The following C1QTNF3 variants were observed in gnomAD, a reference collection of about 807,000 sequenced individuals.
C1QTNF3 encodes the protein complement C1q tumor necrosis factor-related protein 3.
C1QTNF3 carries 26 observed loss-of-function variants against 32.6 expected under a neutral mutation model. The ratio of observed to expected loss-of-function variants is 0.80; its 90% CI spans 0.58 to 1.11. C1QTNF3 has a LOEUF of 1.11. C1QTNF3 is among the 50% of genes least tolerant of loss of function. C1QTNF3 has a pLI of 0.00. For missense variants in C1QTNF3, 362 were observed against 398.2 expected (o/e 0.91, Z 0.77); for synonymous variants, 155 against 146.0 (o/e 1.06, Z -0.44).
the C1QTNF3 span, among the ~76,000 whole-genome samples, chr5:34,052,219 T>C: frequency 6.6e-6 from 1 of 152,228 alleles, no homozygotes; most frequent in Non-Finnish European, 1.5e-5. Context: ...TTACTACAGA[T>C]AGTCTATGGA....
At chr5:34,242,068 T>C in the C1QTNF3 span, among the ~76,000 whole-genome samples, 1 of 151,938 alleles carries the variant, frequency 6.6e-6, no homozygotes, top group Non-Finnish European at 1.5e-5. Flanking sequence ...AGAATCAATA[T>C]TGTTAAAATG....
At chr5:34,133,510 T>C in the C1QTNF3 span, among the ~76,000 whole-genome samples, 1 of 152,178 alleles carries the variant, frequency 6.6e-6, no homozygotes, top group Non-Finnish European at 1.5e-5. Context: ...CTGCGGGGAA[T>C]GTGGCTAAAA....
At chr5:34,160,236 C>T in the C1QTNF3 span, among the ~76,000 whole-genome samples, 3 of 152,044 alleles carry the variant, frequency 2.0e-5, no homozygotes, top group Non-Finnish European at 2.9e-5. Flanking sequence ...AGTAGGTAGG[C>T]GAAGGACAGA....
At chr5:34,195,528 CAT>C in the C1QTNF3 span, among the ~76,000 whole-genome samples, 37 of 152,042 alleles carry the variant, frequency 2.4e-4, no homozygotes, top group Non-Finnish European at 5.9e-5. Context: ...CTACAGACTG[CAT>C]GTTTGTGTTC....
chr5:34,160,474 G>C, the C1QTNF3 span, among the ~76,000 whole-genome samples: 1 of 152,188 alleles, frequency 6.6e-6, no homozygotes, highest in East Asian at 1.9e-4. Context: ...AAGGATGTTT[G>C]ATCAGCATCT....
At chr5:34,136,828 G>C in the C1QTNF3 span, among the ~76,000 whole-genome samples, 89 of 152,342 alleles carry the variant, frequency 5.8e-4, no homozygotes, top group Non-Finnish European at 1.2e-3. Flanking sequence ...CATAAAAAAG[G>C]ATGAGTTCAT....
chr5:34,237,962 G>A, the C1QTNF3 span, among the ~76,000 whole-genome samples: 23 of 152,206 alleles, frequency 1.5e-4, no homozygotes, highest in Non-Finnish European at 2.4e-4. Flanking sequence ...TATTAGGCTA[G>A]CCACTGGCCA....
chr5:34,041,033 T>A (rs1754860402), intron 1 of C1QTNF3, among the ~76,000 whole-genome samples: 1 of 152,200 alleles, frequency 6.6e-6, no homozygotes, highest in African/African-American at 2.4e-5. Flanking sequence ...TCAGGCATAT[T>A]TATCTTTATA....
At chr5:34,103,466 A>G in the C1QTNF3 span, among the ~76,000 whole-genome samples, 1 of 151,050 alleles carries the variant, frequency 6.6e-6, no homozygotes, top group South Asian at 2.1e-4. Context: ...CATTTTTGTT[A>G]CATATATTCA....
chr5:34,165,547 T>A, the C1QTNF3 span: 1 of 152,126 alleles, frequency 6.6e-6, no homozygotes, highest in Non-Finnish European at 1.5e-5. Context: ...TTACTGTAAC[T>A]GCTGTCATTG....
the C1QTNF3 span, among the ~76,000 whole-genome samples, chr5:34,229,005 T>A: frequency 6.6e-6 from 1 of 152,018 alleles, no homozygotes; most frequent in Non-Finnish European, 1.5e-5. Flanking sequence ...ACTTCTGGGT[T>A]TATCAATAAT....
At chr5:34,079,186 G>A in the C1QTNF3 span, among the ~76,000 whole-genome samples, 1 of 151,486 alleles carries the variant, frequency 6.6e-6, no homozygotes, top group African/African-American at 2.4e-5. Flanking sequence ...AGGAGCTAAT[G>A]GGGTCTAAAA....
chr5:34,019,248 C>T lies in C1QTNF3; in HGVS notation c.*1335G>A, dbSNP rs546631719. The stretch of plus-strand genomic sequence containing the variant: ...GTTTTGGGACACTTGTGAAATCAGT[C>T]TTCCAAGTATATTTCTGGTCATGGG... On this transcript the variant is annotated 3_prime_UTR_variant, in exon 6 of 6. Coordinates refer to ENST00000382065, the MANE Select transcript of C1QTNF3 (RefSeq NM_181435.6). 3.3e-5 allele frequency among the ~76,000 whole-genome samples: 5 copies of T among 152,264 alleles called. No homozygotes were observed. In the South Asian group the frequency reaches 1.0e-3, roughly 32 times the overall value.
chr5:34,188,415 A>C, the C1QTNF3 span, among the ~76,000 whole-genome samples: 2 of 152,344 alleles, frequency 1.3e-5, no homozygotes, highest in Admixed American at 1.3e-4. Context: ...GTGCCTGGAA[A>C]AGCTGCAGAC....
At chr5:34,229,662 A>T in the C1QTNF3 span, among the ~76,000 whole-genome samples, 3 of 152,222 alleles carry the variant, frequency 2.0e-5, no homozygotes, top group Non-Finnish European at 2.9e-5. Context: ...TAAAAGGAGA[A>T]TGTGAAGACT....
the C1QTNF3 span, among the ~76,000 whole-genome samples, chr5:34,056,454 G>GTGTATATATATA: frequency 1.4e-4 from 7 of 48,958 alleles, no homozygotes; most frequent in East Asian, 2.0e-3. Flanking sequence ...GTGTGTGTGT[G>GTGTATATATATA]TATATATATA....
Position 34,021,067 on chromosome 5 carries a change from C to A in C1QTNF3, c.801-325G>T, listed in dbSNP as rs184083589. On this transcript the variant is annotated intron_variant, in intron 5 of 5. Transcript: ENST00000382065. ...CTCTCTTCTCTGCTCCAACCTGGAA[C>A]AACCTTGGGCTGTTTGATGAGAAGG... Among the ~76,000 whole-genome samples, 80 of 152,330 alleles carry A rather than the reference C, an allele frequency of 5.3e-4. 1 individual carries two copies. Among genetic ancestry groups the A allele is most frequent in the Non-Finnish European group, 7.3e-5 (5 of 68,030 alleles).
chr5:34,043,047 T>C lies in C1QTNF3; in HGVS notation c.79A>G (p.Met27Val), dbSNP rs750447263. 5 of 1,614,118 alleles carry C rather than the reference T, an allele frequency of 3.1e-6. No homozygotes were observed. Among genetic ancestry groups the C allele is most frequent in the Non-Finnish European group, 4.2e-6 (5 of 1,180,014 alleles). The change falls in exon 1 of 6, where the codon ATG becomes GTG. Residue 27 changes from methionine (M) to valine (V), a missense_variant. Met to Val is a conservative substitution (Grantham distance 21). Transcript: ENST00000382065. ...TTATTAGTTCTTCCGCTCACCTCCATGTATTCATCTTGACACAGGCAAAAA... is the reference window on the plus strand; with the variant it reads ...TTATTAGTTCTTCCGCTCACCTCCACGTATTCATCTTGACACAGGCAAAAA... The part of the protein sequence containing the change: ...LPFCLCQDEY[M>V]EVSGRTNKVV...
the C1QTNF3 span, among the ~76,000 whole-genome samples, chr5:34,227,355 G>A: frequency 2.6e-5 from 4 of 151,654 alleles, no homozygotes; most frequent in Non-Finnish European, 4.4e-5. Flanking sequence ...AACTTCAATT[G>A]GCTGCATGTA....
Sources: allele counts gnomAD v4.1 joint callset (sites outside exome capture counted in the v4.1 genomes callset), GRCh38; gene constraint gnomAD v4.1.1; transcripts MANE v1.5; gene names NCBI Gene and HGNC (gene_info 2026-07-23, HGNC 2026-07-21).